The following ZNF704 variants were observed in gnomAD, a reference collection of about 807,000 sequenced individuals.
ZNF704 encodes the protein glucocorticoid induced gene 1.
A neutral mutation model predicts 44.7 loss-of-function variants in ZNF704; 10 were observed. The ratio of observed to expected loss-of-function variants is 0.22; its 90% CI spans 0.14 to 0.38. The LOEUF (loss-of-function observed/expected upper bound fraction) is 0.38. Among genes scored for constraint, ZNF704 ranks in the 10% least tolerant of loss-of-function variants. The pLI is 1.00. For synonymous variants in ZNF704, 211 were observed against 207.6 expected (o/e 1.02, Z -0.14); for missense variants, 390 against 545.5 (o/e 0.71, Z 2.84).
chr8:80,705,309 G>C (rs1021614074), intron 2 of ZNF704, among the ~76,000 whole-genome samples: 1 of 152,086 alleles, frequency 6.6e-6, no homozygotes, highest in Non-Finnish European at 1.5e-5. Flanking sequence ...GTGTATATCT[G>C]CGTCTATGTC....
chr8:80,839,636 A>C (rs537903328), intron 1 of ZNF704, among the ~76,000 whole-genome samples: 1 of 152,366 alleles, frequency 6.6e-6, no homozygotes, highest in South Asian at 2.1e-4. Flanking sequence ...AGAAATGACT[A>C]TAAGGGAGAA....
chr8:80,666,582 C>G (rs1227450400), intron 5 of ZNF704, among the ~76,000 whole-genome samples: 6 of 151,460 alleles, frequency 4.0e-5, no homozygotes, highest in Non-Finnish European at 7.4e-5. Flanking sequence ...GTCCCACCAA[C>G]AGTGTAAAAG....
intron 2 of ZNF704, among the ~76,000 whole-genome samples, chr8:80,703,724 C>T (rs1228839711): frequency 6.6e-6 from 1 of 152,198 alleles, no homozygotes; most frequent in Non-Finnish European, 1.5e-5. Flanking sequence ...ATCCTCCTGC[C>T]TCAGCCTCCC....
chr8:80,764,460 A>C (rs1807193158), intron 2 of ZNF704, among the ~76,000 whole-genome samples: 1 of 152,158 alleles, frequency 6.6e-6, no homozygotes, highest in African/African-American at 2.4e-5. Flanking sequence ...TACATGGGGG[A>C]AACTGCCCCA....
At chr8:80,752,746 G>T (rs1179781499) in intron 2 of ZNF704, among the ~76,000 whole-genome samples, 2 of 152,082 alleles carry the variant, frequency 1.3e-5, no homozygotes, top group African/African-American at 4.8e-5. Context: ...TCTCCATGTT[G>T]GTCAGGCTGG....
At chr8:80,654,756 G>A (rs1428017200) in intron 7 of ZNF704, among the ~76,000 whole-genome samples, 1 of 152,196 alleles carries the variant, frequency 6.6e-6, no homozygotes, top group East Asian at 1.9e-4. Context: ...CTGTAAACTA[G>A]TTCAACCATT....
chr8:80,820,262 G>C (rs1258148209), intron 2 of ZNF704, among the ~76,000 whole-genome samples: 1 of 152,176 alleles, frequency 6.6e-6, no homozygotes, highest in Non-Finnish European at 1.5e-5. Flanking sequence ...TTCTAGGTGA[G>C]ACAAATGATA....
chr8:80,696,481 T>G (rs1400241751), intron 2 of ZNF704, among the ~76,000 whole-genome samples: 1 of 152,154 alleles, frequency 6.6e-6, no homozygotes, highest in Non-Finnish European at 1.5e-5. Context: ...GCAGTGGTGT[T>G]ATCTTGCCTC....
At position 80,636,027 on chromosome 8, in the gene ZNF704, ATGTC is replaced by A. The variant is rs529454187; in HGVS notation, c.*5335_*5338del. On this transcript the variant is annotated 3_prime_UTR_variant, in exon 9 of 9. Transcript: ENST00000327835. The stretch of plus-strand genomic sequence containing the variant: ...TAAAACCAAGGTCATTTCTCACAAA[ATGTC>A]TGCGTTCTTTGTGATTACAAAACAC... 17 of 152,220 alleles carry A rather than the reference ATGTC, an allele frequency of 1.1e-4. No homozygotes were observed. The highest frequency in any genetic ancestry group is 2.1e-4 in the Non-Finnish European group (14 of 68,040). 9.4% of individuals were successfully genotyped at this position (152,220 alleles called of 1,614,324 possible).
intron 2 of ZNF704, among the ~76,000 whole-genome samples, chr8:80,731,513 A>C (rs1806581290): frequency 6.6e-6 from 1 of 152,226 alleles, no homozygotes; most frequent in Non-Finnish European, 1.5e-5. Context: ...TCAATACTTC[A>C]AAATCATCTT....
At chr8:80,850,400 C>T (rs1450445034) in intron 1 of ZNF704, among the ~76,000 whole-genome samples, 1 of 151,992 alleles carries the variant, frequency 6.6e-6, no homozygotes, top group Non-Finnish European at 1.5e-5. Context: ...TAATTTCCCC[C>T]CAAAAAAACT....
chr8:80,647,079 G>T (rs1373680529), intron 7 of ZNF704, among the ~76,000 whole-genome samples: 1 of 152,140 alleles, frequency 6.6e-6, no homozygotes, highest in African/African-American at 2.4e-5. Context: ...TATGTACCAG[G>T]CATTGTTACA....
intron 1 of ZNF704, among the ~76,000 whole-genome samples, chr8:80,830,513 G>C (rs1023573567): frequency 1.3e-5 from 2 of 152,102 alleles, no homozygotes; most frequent in African/African-American, 4.8e-5. Context: ...AGAACTTTTT[G>C]GGGTGATGGA....
chr8:80,854,833 ATTAC>A (rs1220704793), intron 1 of ZNF704, among the ~76,000 whole-genome samples: 1 of 152,162 alleles, frequency 6.6e-6, no homozygotes, highest in Non-Finnish European at 1.5e-5. Context: ...TCATATTGTA[ATTAC>A]TTATTTGTTT....
intron 1 of ZNF704, among the ~76,000 whole-genome samples, chr8:80,853,524 C>A: frequency 6.7e-6 from 1 of 149,254 alleles, no homozygotes; most frequent in African/African-American, 2.5e-5. Context: ...CTGTGGAAAA[C>A]AGACTTAAAT....
At chr8:80,789,413 A>G (rs1339261999) in intron 2 of ZNF704, among the ~76,000 whole-genome samples, 1 of 152,204 alleles carries the variant, frequency 6.6e-6, no homozygotes, top group Non-Finnish European at 1.5e-5. Flanking sequence ...AGTTAAATTA[A>G]TTGTTAAAGA....
chr8:80,691,836 C>G (rs893130219), intron 3 of ZNF704, among the ~76,000 whole-genome samples: 1 of 152,186 alleles, frequency 6.6e-6, no homozygotes, highest in African/African-American at 2.4e-5. Context: ...CAATACATCT[C>G]TTCCTGTGCG....
At chr8:80,774,748 T>C (rs562469231) in intron 2 of ZNF704, among the ~76,000 whole-genome samples, 1 of 152,296 alleles carries the variant, frequency 6.6e-6, no homozygotes, top group African/African-American at 2.4e-5. Flanking sequence ...TTTCCTTCTG[T>C]GGTGTTCGGC....
chr8:80,822,244 A>G (rs1808285524), intron 1 of ZNF704, among the ~76,000 whole-genome samples: 2 of 151,704 alleles, frequency 1.3e-5, no homozygotes, highest in South Asian at 2.1e-4. Flanking sequence ...TACATTAGGT[A>G]TATCTCCTAA....
Sources: allele counts gnomAD v4.1 joint callset (sites outside exome capture counted in the v4.1 genomes callset), GRCh38; gene constraint gnomAD v4.1.1; transcripts MANE v1.5; gene names NCBI Gene and HGNC (gene_info 2026-07-23, HGNC 2026-07-21).